DSC3: variants seen among roughly 807,000 people sequenced by gnomAD.
DSC3 encodes the protein desmocollin 3.
In DSC3, 97 loss-of-function variants were observed where a neutral mutation model predicts 89.5. That is an observed-to-expected ratio of 1.08 (90% CI 0.92 to 1.28). The LOEUF is 1.28. Ranked by LOEUF, DSC3 falls within the 50% of genes most tolerant of loss-of-function variation. The pLI, the probability that DSC3 is intolerant of heterozygous loss-of-function variation, is 0.00. For missense variants in DSC3, 1,199 were observed against 1,085.3 expected (o/e 1.10, Z -1.47); for synonymous variants, 436 against 384.1 (o/e 1.14, Z -1.58).
chr18:31,033,206 T>C (rs1046360545), intron 1 of DSC3, among the ~76,000 whole-genome samples: 5 of 152,166 alleles, frequency 3.3e-5, no homozygotes, highest in African/African-American at 1.2e-4. Context: ...TTCATGGCTA[T>C]TCCCCAAATT....
intron 1 of DSC3, among the ~76,000 whole-genome samples, chr18:31,032,554 ATGTGTGTGTGTGTG>A (rs936935279): frequency 2.2e-5 from 2 of 92,256 alleles, no homozygotes; most frequent in Non-Finnish European, 5.0e-5. Context: ...TTCTGTGTGT[ATGTGTGTGTGTGTG>A]TGTGTGTGTG....
intron 1 of DSC3, among the ~76,000 whole-genome samples, chr18:31,042,007 GC>G (rs1303060053): frequency 6.6e-6 from 1 of 152,032 alleles, no homozygotes; most frequent in Non-Finnish European, 1.5e-5. Flanking sequence ...TGGGTGGCTG[GC>G]GGGGGTGGAC....
Position 30,994,099 on chromosome 18 carries a change from T to A in DSC3, c.*76A>T. On this transcript the variant is annotated 3_prime_UTR_variant, in exon 16 of 16. Coordinates refer to ENST00000360428, the MANE Select transcript of DSC3 (RefSeq NM_001941.5). ...AAAAAATCATCATATACATACATGT[T>A]GAAATTGAACTTTACAATATTATTT... The A allele has an allele frequency of 7.1e-7, 1 of 1,400,258 alleles. No individual in the cohort carries two copies. The highest frequency in any genetic ancestry group is 1.0e-6 in the Non-Finnish European group (1 of 991,356). 86.7% of individuals were successfully genotyped at this position (1,400,258 alleles called of 1,614,324 possible). A position where few individuals can be genotyped will look rare whatever the true frequency, so the allele number is the denominator to read the frequency against.
rs78535342 is a variant in DSC3, at chr18:31,022,492, C to T, written c.786G>A (p.Val262=). 5.9e-4 allele frequency: 959 copies of T among 1,614,012 alleles called. 6 individuals are homozygous for T. In the African/African-American group the frequency reaches 0.011, roughly 19 times the overall value. The change falls in exon 7 of 16, where the codon GTG becomes GTA. Residue 262 remains valine (V), a synonymous_variant. Coordinates refer to ENST00000360428, the MANE Select transcript of DSC3 (RefSeq NM_001941.5). The stretch of plus-strand genomic sequence containing the variant: ...CTCTGTCTGTGGCACAAACCACCCC[C>T]ACTGTAGTACCTACACATTAAAAAA... ...VLESSRPGTT[V]GVVCATDRDE...
At position 30,993,538 on chromosome 18, in the gene DSC3, T is replaced by A. The variant is rs1984346417; in HGVS notation, c.*637A>T. On this transcript the variant is annotated 3_prime_UTR_variant, in exon 16 of 16. Coordinates refer to ENST00000360428, the MANE Select transcript of DSC3 (RefSeq NM_001941.5). The stretch of plus-strand genomic sequence containing the variant: ...CCAGCCTCATTTCAAGTTTTTACCA[T>A]TTTCCTCTTTGTTCTCATTTCATTT... 6.6e-6 allele frequency: 1 copy of A among 152,290 alleles called. No homozygotes were observed. Among genetic ancestry groups the A allele is most frequent in the Admixed American group, 6.5e-5 (1 of 15,280 alleles). 9.4% of individuals were successfully genotyped at this position (152,290 alleles called of 1,614,324 possible). A position where few individuals can be genotyped will look rare whatever the true frequency, so the allele number is the denominator to read the frequency against.
chr18:31,018,832 G>A (rs768810902), intron 7 of DSC3, 32 bp from the exon 8 acceptor site: 1 of 1,609,634 alleles, frequency 6.2e-7, no homozygotes, highest in East Asian at 2.2e-5. Context: ...AACTAGTCTT[G>A]AAAAATTTTT....
intron 9 of DSC3, among the ~76,000 whole-genome samples, chr18:31,015,233 C>G (rs1188903008): frequency 6.6e-6 from 1 of 152,060 alleles, no homozygotes; most frequent in Non-Finnish European, 1.5e-5. Context: ...TTAAGTTAAT[C>G]TGAACCAAAA....
At chr18:31,003,991 A>T in intron 13 of DSC3, 151 bp downstream of exon 13, 1 of 623,798 alleles carries the variant, frequency 1.6e-6, no homozygotes, top group African/African-American at 1.8e-5. Flanking sequence ...CACAGAAAAT[A>T]TTCAAACACA....
intron 13 of DSC3, among the ~76,000 whole-genome samples, chr18:31,002,940 C>A (rs901843418): frequency 2.0e-5 from 3 of 152,100 alleles, no homozygotes; most frequent in Non-Finnish European, 4.4e-5. Context: ...TCTTGCCTAC[C>A]CTACATGGCC....
At chr18:31,003,376 C>T (rs1984732074) in intron 13 of DSC3, among the ~76,000 whole-genome samples, 1 of 152,090 alleles carries the variant, frequency 6.6e-6, no homozygotes, top group African/African-American at 2.4e-5. Flanking sequence ...AGTTTCCTGC[C>T]TACAGTAGGT....
At chr18:31,022,121 T>TA (rs1179616391) in intron 7 of DSC3, among the ~76,000 whole-genome samples, 3 of 152,272 alleles carry the variant, frequency 2.0e-5, no homozygotes, top group Admixed American at 6.5e-5. Flanking sequence ...TCATCCCTTC[T>TA]AAATGCCAAT....
intron 9 of DSC3, among the ~76,000 whole-genome samples, chr18:31,017,552 C>T (rs768038741): frequency 1.3e-5 from 2 of 151,922 alleles, no homozygotes; most frequent in African/African-American, 4.8e-5. Context: ...TGAATATCAC[C>T]TTTAAAAGGA....
At chr18:31,008,242 A>G in intron 10 of DSC3, 27 bp downstream of exon 10, 1 of 1,611,968 alleles carries the variant, frequency 6.2e-7, no homozygotes, top group East Asian at 2.2e-5. Flanking sequence ...ATACATTATT[A>G]GTATGTGGTT....
In DSC3 at chr18:30,996,657, A is replaced by C. The variant is rs144644401; in HGVS notation, c.2493+134T>G. On this transcript the variant is annotated intron_variant, in intron 15 of 15. Transcript: ENST00000360428. ...ATTAAATAATGTAACAAAATCAAAGAGCACGGGAAAATGAACAGAGCAAGC... is the reference window on the plus strand; with the variant it reads ...ATTAAATAATGTAACAAAATCAAAGCGCACGGGAAAATGAACAGAGCAAGC... 8.7e-6 allele frequency: 8 copies of C among 917,484 alleles called. No individual in the cohort carries two copies. The East Asian group carries it at 2.1e-4, about 25-fold the overall frequency. The allele number at this position is 917,484 out of a possible 1,614,324, so 56.8% of individuals were successfully genotyped here.
At chr18:31,011,574 T>C (rs184511580) in intron 9 of DSC3, among the ~76,000 whole-genome samples, 2 of 152,330 alleles carry the variant, frequency 1.3e-5, no homozygotes, top group Admixed American at 1.3e-4. Context: ...TGTCATTCTT[T>C]AATCAGTACT....
intron 1 of DSC3, among the ~76,000 whole-genome samples, chr18:31,040,136 T>A (rs1476920917): frequency 6.6e-6 from 1 of 152,092 alleles, no homozygotes; most frequent in Admixed American, 6.5e-5. Flanking sequence ...GTTCATATAC[T>A]CCAAAGAGGA....
At chr18:30,995,909 C>G (rs982253612) in intron 15 of DSC3, among the ~76,000 whole-genome samples, 19 of 132,540 alleles carry the variant, frequency 1.4e-4, no homozygotes, top group African/African-American at 5.3e-4. Context: ...GAGGTCAAGG[C>G]TGCAGTGAGT....
At chr18:31,024,806 C>T (rs1985543865) in intron 5 of DSC3, among the ~76,000 whole-genome samples, 1 of 152,052 alleles carries the variant, frequency 6.6e-6, no homozygotes, top group Non-Finnish European at 1.5e-5. Flanking sequence ...GAAAATTATG[C>T]TGGAGAGAAC....
chr18:31,022,497 T>C lies in DSC3; in HGVS notation c.781A>G (p.Thr261Ala). Residue 261 changes from threonine (T) to alanine (A), a missense_variant, in exon 7 of 16, where the codon ACA (threonine) becomes GCA (alanine). Thr to Ala is a moderately conservative substitution (Grantham distance 58, BLOSUM62 0). Transcript: ENST00000360428. The part of the protein sequence containing the change: ...EVLESSRPGT[T>A]VGVVCATDRD... ...TCTGTGGCACAAACCACCCCCACTG[T>C]AGTACCTACACATTAAAAAATAAAA... The C allele has an allele frequency of 6.2e-7, 1 of 1,614,034 alleles. No homozygotes were observed.
Sources: gnomAD v4.1 joint callset for allele counts (sites outside exome capture counted in the v4.1 genomes callset) on GRCh38, gnomAD v4.1.1 for gene constraint, MANE v1.5 for transcripts, NCBI Gene and HGNC (gene_info 2026-07-23, HGNC 2026-07-21) for gene names.